DLC1: variants seen among roughly 807,000 people sequenced by gnomAD.
The protein encoded by DLC1 is DLC1 Rho GTPase activating protein, also known as rho GTPase-activating protein 7.
DLC1 carries 54 observed loss-of-function variants against 140.3 expected under a neutral mutation model. That is an observed-to-expected ratio of 0.38 (90% CI 0.31 to 0.48). The LOEUF is 0.48. Among genes scored for constraint, DLC1 ranks in the 20% least tolerant of loss-of-function variants. The probability of loss-of-function intolerance (pLI) is 0.96; values close to 1 mark genes in which losing one functional copy is unlikely to be tolerated. For missense variants in DLC1, 2,536 were observed against 1,907.0 expected, an observed-to-expected ratio of 1.33 and a Z score of -6.14; for synonymous variants, 986 against 728.1, an observed-to-expected ratio of 1.35 and a Z score of -5.70.
chr8:13,352,562 G>A (rs1192112433), intron 4 of DLC1, among the ~76,000 whole-genome samples: 2 of 151,670 alleles, frequency 1.3e-5, no homozygotes, highest in East Asian at 3.9e-4. Context: ...TTTATTTTTT[G>A]TAGAGACAGG....
At chr8:13,153,188 C>T (rs560564301) in intron 5 of DLC1, among the ~76,000 whole-genome samples, 1 of 152,272 alleles carries the variant, frequency 6.6e-6, no homozygotes, top group East Asian at 1.9e-4. Context: ...TTCTGGTGTT[C>T]TGACGTGTTC....
intron 5 of DLC1, among the ~76,000 whole-genome samples, chr8:13,251,203 C>T (rs1409041338): frequency 1.3e-5 from 2 of 152,188 alleles, no homozygotes; most frequent in East Asian, 3.9e-4. Flanking sequence ...CCCTTATGAC[C>T]TCATTTAACC....
rs1818900512 is a variant in DLC1 at position 13,100,052 on chromosome 8, G to A, written c.2285C>T (p.Thr762Ile). The A allele has an allele frequency of 1.9e-6, 3 of 1,613,256 alleles. No individual in the cohort carries two copies. Among genetic ancestry groups the A allele is most frequent in the South Asian group, 2.2e-5 (2 of 91,084 alleles). The change falls in exon 9 of 18, where the codon ACC becomes ATC. Residue 762 changes from threonine (T) to isoleucine (I), a missense_variant. Physicochemically the swap from Thr to Ile is moderately conservative, Grantham distance 89. Coordinates refer to ENST00000276297, the MANE Select transcript of DLC1 (RefSeq NM_182643.3). Reference protein sequence around the residue: ...AVSTPSPVTRTRSLSACNKRV... With the variant: ...AVSTPSPVTRIRSLSACNKRV... ...CTTGTTGCACGCACTGAGGCTCCGG[G>A]TCCTCGTAACAGGGCTGGGCGTGCT...
chr8:13,143,267 TATG>T (rs35787850), intron 5 of DLC1, among the ~76,000 whole-genome samples: 4,476 of 152,290 alleles, frequency 0.029, 210 homozygotes, highest in African/African-American at 0.1. Context: ...AAATAGGTGG[TATG>T]ATACTGACCG....
rs374674066 is a variant in DLC1 at position 13,579,379 on chromosome 8, TTTATATATTATATA to T, written c.-126+25144_-126+25157del. On this transcript the variant is annotated intron_variant, in intron 1 of 1. Transcript: ENST00000631382. Reference sequence around the variant, plus strand: ...TATATATATTTTTATATAATACATATTTATATATTATATATTATATATTTAATATATTATATTTT... The same window carrying T: ...TATATATATTTTTATATAATACATATTTATATATTTAATATATTATATTTT... 4.4e-3 allele frequency among the ~76,000 whole-genome samples: 124 copies of T among 28,268 alleles called. 10 individuals are homozygous for T. Among genetic ancestry groups the T allele is most frequent in the East Asian group, 0.018 (10 of 564 alleles). The allele number at this position is 28,268 out of a possible 152,430, so 18.5% of individuals were successfully genotyped here. A position where few individuals can be genotyped will look rare whatever the true frequency, so the allele number is the denominator to read the frequency against.
chr8:13,414,248 A>G (rs1345914509), intron 2 of DLC1, among the ~76,000 whole-genome samples: 1 of 152,196 alleles, frequency 6.6e-6, no homozygotes, highest in Admixed American at 6.5e-5. Context: ...ATGACTGAGT[A>G]TCCTTATTAT....
chr8:13,280,287 C>CAAAAA (rs55791933), intron 5 of DLC1, among the ~76,000 whole-genome samples: 84 of 65,306 alleles, frequency 1.3e-3, no homozygotes, highest in East Asian at 2.5e-3. Flanking sequence ...GACTCCATCT[C>CAAAAA]AAAAAAAAAA....
intron 2 of DLC1, among the ~76,000 whole-genome samples, chr8:13,465,689 A>G (rs1160493172): frequency 6.6e-6 from 1 of 152,068 alleles, no homozygotes; most frequent in Non-Finnish European, 1.5e-5. Flanking sequence ...TTAAAAAATT[A>G]TTTCCTTATA....
intron 4 of DLC1, among the ~76,000 whole-genome samples, chr8:13,330,244 A>G (rs1375695806): frequency 2.6e-5 from 4 of 152,070 alleles, no homozygotes; most frequent in African/African-American, 9.7e-5. Context: ...AAACCACCGC[A>G]CCCAGCCTAT....
At chr8:13,119,763 G>C (rs549726096) in intron 5 of DLC1, among the ~76,000 whole-genome samples, 1 of 151,874 alleles carries the variant, frequency 6.6e-6, no homozygotes, top group Non-Finnish European at 1.5e-5. Context: ...ACCACTCTGG[G>C]CAATAATTGC....
At position 13,567,626 on chromosome 8, in the gene DLC1, C is replaced by G. The variant is rs150987521; in HGVS notation, c.-126+36911G>C. 8 of 1,551,686 alleles carry G rather than the reference C, an allele frequency of 5.2e-6. No individual in the cohort carries two copies. In the African/African-American group the frequency reaches 8.2e-5, roughly 16 times the overall value. ...AGGAAAAGAGCGGAGCTGGCCCTGT[C>G]TGCCTTTCTGAAACAAAAGAAGACT... is the stretch of plus-strand genomic sequence containing the variant. On this transcript the variant is annotated intron_variant, in intron 1 of 1. Transcript: ENST00000631382.
At chr8:13,420,021 C>G (rs1307296291) in intron 2 of DLC1, among the ~76,000 whole-genome samples, 1 of 152,144 alleles carries the variant, frequency 6.6e-6, no homozygotes, top group Non-Finnish European at 1.5e-5. Flanking sequence ...GTAGTATTCT[C>G]TGATGGTAGT....
At position 13,099,507 on chromosome 8, in the gene DLC1, G is replaced by T. The variant is rs769583423; in HGVS notation, c.2830C>A (p.Pro944Thr). The change falls in exon 9 of 18, where the codon CCG (proline) becomes ACG (threonine). Residue 944 changes from proline (P) to threonine (T), a missense_variant. Pro to Thr is a conservative substitution (Grantham distance 38). Coordinates refer to ENST00000276297, the MANE Select transcript of DLC1 (RefSeq NM_182643.3). Reference sequence around the variant, plus strand: ...AGGTGTATCTGTTTTGGAGAGGACGGGCAGGGAGAGACCGAGTCCAGGGCT... The same window carrying T: ...AGGTGTATCTGTTTTGGAGAGGACGTGCAGGGAGAGACCGAGTCCAGGGCT... ...DSALDSVSPC[P>T]SSPKQIHLDV... is the part of the protein sequence containing the mutation. The T allele has an allele frequency of 1.2e-6, 2 of 1,614,136 alleles. No individual in the cohort carries two copies. The highest frequency in any genetic ancestry group is 1.7e-6 in the Non-Finnish European group (2 of 1,180,020).
chr8:13,154,037 T>G (rs1029523249), intron 5 of DLC1, among the ~76,000 whole-genome samples: 4 of 151,688 alleles, frequency 2.6e-5, no homozygotes. Context: ...CCCACCAGAT[T>G]AGCTAGATAC....
chr8:13,133,035 C>A, intron 5 of DLC1: 7 of 1,583,550 alleles, frequency 4.4e-6, no homozygotes, highest in Non-Finnish European at 5.1e-6. Flanking sequence ...CAGGCGGAGG[C>A]GGCTCGGCTT....
intron 2 of DLC1, among the ~76,000 whole-genome samples, chr8:13,452,205 TTA>T (rs1313766812): frequency 6.6e-6 from 1 of 150,924 alleles, no homozygotes; most frequent in Non-Finnish European, 1.5e-5. Flanking sequence ...TATTTTATAA[TTA>T]TATATATCTT....
At chr8:13,170,413 C>T (rs1825379295) in intron 5 of DLC1, among the ~76,000 whole-genome samples, 1 of 152,166 alleles carries the variant, frequency 6.6e-6, no homozygotes, top group Admixed American at 6.5e-5. Flanking sequence ...GCATACATTA[C>T]TTATCTCAGA....
intron 5 of DLC1, among the ~76,000 whole-genome samples, chr8:13,144,405 C>G (rs1001230705): frequency 6.6e-6 from 1 of 152,158 alleles, no homozygotes; most frequent in African/African-American, 2.4e-5. Flanking sequence ...CTTGGTTCTC[C>G]ACCTTGCGGA....
At chr8:13,454,128 C>T (rs148775033) in intron 2 of DLC1, among the ~76,000 whole-genome samples, 9 of 152,116 alleles carry the variant, frequency 5.9e-5, no homozygotes, top group Middle Eastern at 3.4e-3. Context: ...TTTTGGACTA[C>T]GTGCAATTTG....
Sources: allele counts gnomAD v4.1 joint callset (sites outside exome capture counted in the v4.1 genomes callset), GRCh38; gene constraint gnomAD v4.1.1; transcripts MANE v1.5; gene names NCBI Gene and HGNC (gene_info 2026-07-23, HGNC 2026-07-21).